DACH1: variants seen among roughly 807,000 people sequenced by gnomAD.
DACH1 encodes the protein dachshund family transcription factor 1.
Under a neutral mutation model 54.2 loss-of-function variants are expected in DACH1, and 12 were observed. The observed-to-expected ratio is 0.22, with a 90% CI of 0.14 to 0.36. DACH1 has a LOEUF of 0.36. DACH1 is among the 10% of genes least tolerant of loss of function. DACH1 has a pLI of 1.00. For synonymous variants in DACH1, 386 were observed against 366.2 expected, an observed-to-expected ratio of 1.05 and a Z score of -0.62; for missense variants, 805 against 929.8, an observed-to-expected ratio of 0.87 and a Z score of 1.75.
At chr13:71,798,644 A>C (rs1887162453) in intron 1 of DACH1, among the ~76,000 whole-genome samples, 6 of 152,058 alleles carry the variant, frequency 3.9e-5, no homozygotes. Context: ...CCAAGCATGC[A>C]CATAAAAAAT....
chr13:71,472,533 A>T (rs1486490844), intron 10 of DACH1, among the ~76,000 whole-genome samples: 18 of 152,358 alleles, frequency 1.2e-4, no homozygotes, highest in Admixed American at 1.0e-3. Flanking sequence ...TGAAAAAATT[A>T]AAAAACCTGT....
intron 1 of DACH1, among the ~76,000 whole-genome samples, chr13:71,765,829 A>T (rs974251587): frequency 6.6e-6 from 1 of 152,160 alleles, no homozygotes; most frequent in Admixed American, 6.5e-5. Context: ...GATGTGAAAC[A>T]GAGTCGGTCT....
At chr13:71,732,586 A>T (rs1486836978) in intron 1 of DACH1, among the ~76,000 whole-genome samples, 11 of 130,646 alleles carry the variant, frequency 8.4e-5, no homozygotes, top group African/African-American at 4.1e-4. Flanking sequence ...ACTATTTCTA[A>T]AAAAAAAAAA....
chr13:71,458,548 A>G (rs1875791273), intron 10 of DACH1, among the ~76,000 whole-genome samples: 1 of 151,926 alleles, frequency 6.6e-6, no homozygotes, highest in South Asian at 2.1e-4. Context: ...GATTTTACCT[A>G]TTAGATCAAT....
intron 1 of DACH1, among the ~76,000 whole-genome samples, chr13:71,825,870 T>C (rs1238328705): frequency 6.6e-6 from 1 of 152,112 alleles, no homozygotes. Context: ...TCAAGAACAT[T>C]ATTAGAATCT....
intron 1 of DACH1, among the ~76,000 whole-genome samples, chr13:71,803,260 A>G (rs1287472416): frequency 1.3e-5 from 2 of 152,124 alleles, no homozygotes; most frequent in African/African-American, 2.4e-5. Flanking sequence ...GTGCTTTAAC[A>G]TCCTGTTTAG....
intron 1 of DACH1, among the ~76,000 whole-genome samples, chr13:71,770,574 C>T (rs889292196): frequency 6.6e-6 from 1 of 151,556 alleles, no homozygotes; most frequent in African/African-American, 2.4e-5. Flanking sequence ...TTTATGTATG[C>T]TCTTGTAACA....
chr13:71,665,552 C>T (rs975483335), intron 2 of DACH1, among the ~76,000 whole-genome samples: 1 of 151,912 alleles, frequency 6.6e-6, no homozygotes, highest in Admixed American at 6.6e-5. Context: ...AAACTAGTGA[C>T]CAAAACGCCT....
intron 2 of DACH1, among the ~76,000 whole-genome samples, chr13:71,656,027 C>A (rs912509083): frequency 6.6e-6 from 1 of 152,174 alleles, no homozygotes; most frequent in Non-Finnish European, 1.5e-5. Context: ...GCGTGACATA[C>A]TTCAAAGGTT....
intron 1 of DACH1, among the ~76,000 whole-genome samples, chr13:71,781,318 G>T (rs140298656): frequency 2.7e-3 from 415 of 151,968 alleles, no homozygotes; most frequent in African/African-American, 9.6e-3. Flanking sequence ...CTGTTGCCAT[G>T]CCAACACTAG....
intron 3 of DACH1, among the ~76,000 whole-genome samples, chr13:71,589,687 A>G (rs1028347322): frequency 1.3e-5 from 2 of 152,004 alleles, no homozygotes; most frequent in African/African-American, 4.8e-5. Flanking sequence ...AAGACCTGAT[A>G]TGAGTATAAT....
At chr13:71,830,521 C>T (rs1436533107) in intron 1 of DACH1, among the ~76,000 whole-genome samples, 1 of 151,764 alleles carries the variant, frequency 6.6e-6, no homozygotes, top group Non-Finnish European at 1.5e-5. Flanking sequence ...GTCTACTCAC[C>T]TACTTAAGCA....
chr13:71,568,230 A>C (rs1885005888), intron 4 of DACH1, among the ~76,000 whole-genome samples: 1 of 152,070 alleles, frequency 6.6e-6, no homozygotes, highest in Non-Finnish European at 1.5e-5. Flanking sequence ...ATAAAAGATG[A>C]AGAAAAACTG....
chr13:71,629,959 T>C (rs1267166710), intron 3 of DACH1, among the ~76,000 whole-genome samples: 1 of 152,086 alleles, frequency 6.6e-6, no homozygotes, highest in Non-Finnish European at 1.5e-5. Context: ...AACTGTCCCT[T>C]TTGGTTTGAC....
At chr13:71,846,497 C>T (rs968165993) in intron 1 of DACH1, among the ~76,000 whole-genome samples, 1 of 152,098 alleles carries the variant, frequency 6.6e-6, no homozygotes, top group African/African-American at 2.4e-5. Flanking sequence ...CAAAAATAAG[C>T]CCGTCGTGGT....
rs1227260343 is a variant in DACH1, at chr13:71,746,174, C to A, written c.849-64264G>T. Among the ~76,000 whole-genome samples the A allele has an allele frequency of 8.5e-5, 13 of 152,196 alleles. 1 individual carries two copies. Among genetic ancestry groups the A allele is most frequent in the Non-Finnish European group, 1.5e-5 (1 of 68,020 alleles). On this transcript the variant is annotated intron_variant, in intron 1 of 10. Coordinates refer to ENST00000613252, the MANE Select transcript of DACH1 (RefSeq NM_080759.6). ...CAGAGGTTGCGCTGAGCCGAGATTGCGCCACTGCACTCCAGCCTGATGACA... is the reference window on the plus strand; with the variant it reads ...CAGAGGTTGCGCTGAGCCGAGATTGAGCCACTGCACTCCAGCCTGATGACA...
At chr13:71,861,279 A>G (rs1366941014) in intron 1 of DACH1, among the ~76,000 whole-genome samples, 1 of 152,044 alleles carries the variant, frequency 6.6e-6, no homozygotes, top group African/African-American at 2.4e-5. Context: ...ATAAAATATC[A>G]TATGTACAAA....
intron 2 of DACH1, among the ~76,000 whole-genome samples, chr13:71,672,634 T>TA (rs550299744): frequency 6.6e-6 from 1 of 151,982 alleles, no homozygotes; most frequent in African/African-American, 2.4e-5. Flanking sequence ...GAAATAAAAA[T>TA]AAAAAAAGTT....
chr13:71,637,102 C>G (rs973839763), intron 2 of DACH1, among the ~76,000 whole-genome samples: 40 of 152,170 alleles, frequency 2.6e-4, no homozygotes, highest in Middle Eastern at 3.4e-3. Flanking sequence ...ATGTATAATA[C>G]AGTGGCTGGG....
Sources: gnomAD v4.1 joint callset for allele counts (sites outside exome capture counted in the v4.1 genomes callset) on GRCh38, gnomAD v4.1.1 for gene constraint, MANE v1.5 for transcripts, NCBI Gene and HGNC (gene_info 2026-07-23, HGNC 2026-07-21) for gene names.